The following MSI2 variants were observed in gnomAD, a reference collection of about 807,000 sequenced individuals.
MSI2 encodes RNA-binding protein Musashi homolog 2.
A neutral mutation model predicts 45.6 loss-of-function variants in MSI2; 17 were observed. The observed-to-expected ratio is 0.37, with a 90% CI of 0.26 to 0.56. The LOEUF (loss-of-function observed/expected upper bound fraction) is 0.56, where lower values mean the gene tolerates loss of function less well. MSI2 is among the 20% of genes least tolerant of loss of function. The probability of loss-of-function intolerance (pLI) is 0.77; values close to 1 mark genes in which losing one functional copy is unlikely to be tolerated. For synonymous variants in MSI2, 156 were observed against 158.2 expected (o/e 0.99, Z 0.11); for missense variants, 293 against 444.2 (o/e 0.66, Z 3.06).
At chr17:57,324,339 C>G (rs1913609442) in intron 5 of MSI2, among the ~76,000 whole-genome samples, 1 of 152,184 alleles carries the variant, frequency 6.6e-6, no homozygotes, top group Non-Finnish European at 1.5e-5. Context: ...GCTGCACAGA[C>G]AGGAGGCAGC....
chr17:57,630,593 G>C (rs1909275072), intron 10 of MSI2: 1 of 152,264 alleles, frequency 6.6e-6, no homozygotes, highest in Non-Finnish European at 1.5e-5. Flanking sequence ...AGCCAGGCTA[G>C]GGTCAGAGTC....
At chr17:57,697,143 G>GACACACACACACACACACACAC in the MSI2 span, among the ~76,000 whole-genome samples, 4 of 54,124 alleles carry the variant, frequency 7.4e-5, no homozygotes, top group Admixed American at 4.7e-4. Context: ...TCGCCAGCAG[G>GACACACACACACACACACACAC]ACACACACAC....
intron 7 of MSI2, among the ~76,000 whole-genome samples, chr17:57,586,093 C>T (rs1348629182): frequency 6.6e-6 from 1 of 152,216 alleles, no homozygotes; most frequent in African/African-American, 2.4e-5. Context: ...TGGAACACCA[C>T]GCACAAAAAA....
At chr17:57,461,312 C>G (rs1170137602) in intron 6 of MSI2, among the ~76,000 whole-genome samples, 1 of 152,166 alleles carries the variant, frequency 6.6e-6, no homozygotes, top group African/African-American at 2.4e-5. Context: ...GGTAATTAGT[C>G]AACCCAAGTC....
intron 6 of MSI2, among the ~76,000 whole-genome samples, chr17:57,470,508 C>G (rs1178476425): frequency 6.6e-6 from 1 of 152,172 alleles, no homozygotes; most frequent in Non-Finnish European, 1.5e-5. Context: ...GAACTCCTGA[C>G]CTCAGGCGAT....
intron 6 of MSI2, among the ~76,000 whole-genome samples, chr17:57,405,467 T>C (rs1345717998): frequency 2.0e-5 from 3 of 152,218 alleles, no homozygotes; most frequent in African/African-American, 7.2e-5. Flanking sequence ...ATGTAGAAAG[T>C]ATTCAAACAT....
intron 5 of MSI2, chr17:57,286,048 C>G: frequency 7.1e-7 from 1 of 1,413,252 alleles, no homozygotes; most frequent in East Asian, 2.6e-5. Flanking sequence ...ATTAGCTAGC[C>G]AGCCTCTTTC....
chr17:57,466,407 G>A (rs1384638577), intron 6 of MSI2, among the ~76,000 whole-genome samples: 1 of 152,168 alleles, frequency 6.6e-6, no homozygotes, highest in African/African-American at 2.4e-5. Flanking sequence ...AAGCTGTATG[G>A]GAGGCGGCAG....
rs573232333 is a variant in MSI2 at position 57,661,389 on chromosome 17, A to G, written c.790+9228A>G. Among the ~76,000 whole-genome samples, 15 of 152,324 alleles carry G rather than the reference A, an allele frequency of 9.8e-5. No individual in the cohort carries two copies. In the East Asian group the frequency reaches 2.7e-3, roughly 27 times the overall value. On this transcript the variant is annotated intron_variant, in intron 11 of 13. Transcript: ENST00000284073. ...GGAAGCTGTCTGCTAGGCAGGGAATATGGGCTTGAAGAGATAGAGACAGTC... is the reference window on the plus strand; with the variant it reads ...GGAAGCTGTCTGCTAGGCAGGGAATGTGGGCTTGAAGAGATAGAGACAGTC...
At chr17:57,603,277 C>G (rs1906122707) in intron 8 of MSI2, among the ~76,000 whole-genome samples, 1 of 152,210 alleles carries the variant, frequency 6.6e-6, no homozygotes, top group South Asian at 2.1e-4. Flanking sequence ...GCATGCATCT[C>G]TTGGGGTAAA....
At position 57,612,436 on chromosome 17, in the gene MSI2, T is replaced by C. The variant is rs531182204; in HGVS notation, c.538-3534T>C. 2.3e-5 allele frequency among the ~76,000 whole-genome samples: 2 copies of C among 85,402 alleles called. 1 individual carries two copies. Among genetic ancestry groups the C allele is most frequent in the East Asian group, 5.9e-4 (2 of 3,404 alleles). 56.0% of individuals were successfully genotyped at this position (85,402 alleles called of 152,430 possible). On this transcript the variant is annotated intron_variant, in intron 8 of 13. Coordinates refer to ENST00000284073, the MANE Select transcript of MSI2 (RefSeq NM_138962.4). ...TCCTGAGAAGTCTTTCAAGAGGCCTTCAGGGCAGGCAGGCCAGGTTCCCTG... is the reference window on the plus strand; with the variant it reads ...TCCTGAGAAGTCTTTCAAGAGGCCTCCAGGGCAGGCAGGCCAGGTTCCCTG...
chr17:57,438,298 C>A (rs2084728721), intron 6 of MSI2, among the ~76,000 whole-genome samples: 1 of 152,224 alleles, frequency 6.6e-6, no homozygotes, highest in Non-Finnish European at 1.5e-5. Flanking sequence ...GGAATAGCCT[C>A]CCCCCAGGGG....
chr17:57,309,849 C>T (rs1398708221), intron 5 of MSI2, among the ~76,000 whole-genome samples: 11 of 151,992 alleles, frequency 7.2e-5, no homozygotes, highest in South Asian at 6.2e-4. Context: ...TCTCGAGGCC[C>T]GAGTGGAGTG....
chr17:57,358,473 G>A (rs1195712302), intron 5 of MSI2, among the ~76,000 whole-genome samples: 4 of 152,076 alleles, frequency 2.6e-5, no homozygotes, highest in Non-Finnish European at 5.9e-5. Context: ...GGTCATCCTA[G>A]AAAGTCATCA....
intron 6 of MSI2, among the ~76,000 whole-genome samples, chr17:57,506,798 T>G (rs2143908968): frequency 6.6e-6 from 1 of 152,234 alleles, no homozygotes; most frequent in Non-Finnish European, 1.5e-5. Flanking sequence ...GTACAGACTG[T>G]GGGGACAGCC....
At chr17:57,346,343 C>CA (rs982468857) in intron 5 of MSI2, among the ~76,000 whole-genome samples, 5 of 114,414 alleles carry the variant, frequency 4.4e-5, no homozygotes, top group Non-Finnish European at 9.7e-5. Context: ...GTAAATAACA[C>CA]ATTTTGGGGG....
At chr17:57,544,050 G>A (rs2087110211) in intron 7 of MSI2, among the ~76,000 whole-genome samples, 2 of 152,164 alleles carry the variant, frequency 1.3e-5, no homozygotes, top group Admixed American at 1.3e-4. Flanking sequence ...TGTCTCTTTA[G>A]GGTTGCATCC....
intron 10 of MSI2, among the ~76,000 whole-genome samples, chr17:57,637,716 C>T (rs1467821448): frequency 2.0e-5 from 3 of 152,166 alleles, no homozygotes; most frequent in Admixed American, 1.3e-4. Context: ...GAGGGTTAGT[C>T]GGACCGGGAA....
rs1283011879 is a variant in MSI2 at position 57,280,796 on chromosome 17, AAAAAT to A, written c.312+18611_312+18615del. ...CATGCTCCTAATAAGGCAAATCATT[AAAAAT>A]AAAATAGGATGAGAAAAAAAGCTAA... is the stretch of plus-strand genomic sequence containing the variant. On this transcript the variant is annotated intron_variant, in intron 5 of 13. Coordinates refer to ENST00000284073, the MANE Select transcript of MSI2 (RefSeq NM_138962.4). This position sits in a 1 kb window ranked among gnomAD's most constrained non-coding sequence, Gnocchi z 4.2. Among the ~76,000 whole-genome samples the A allele has an allele frequency of 2.5e-5, 3 of 118,178 alleles. No homozygotes were observed. The highest frequency in any genetic ancestry group is 1.0e-4 in the Admixed American group (1 of 9,780). 77.5% of individuals were successfully genotyped at this position (118,178 alleles called of 152,430 possible). A position where few individuals can be genotyped will look rare whatever the true frequency, so the allele number is the denominator to read the frequency against.
Sources: allele counts gnomAD v4.1 joint callset (sites outside exome capture counted in the v4.1 genomes callset), GRCh38; gene constraint gnomAD v4.1.1; non-coding constraint Gnocchi (gnomAD v3.1); transcripts MANE v1.5; gene names NCBI Gene and HGNC (gene_info 2026-07-23, HGNC 2026-07-21).